Variants in PPARGC1A observed in about 807,000 individuals in gnomAD.
The protein encoded by PPARGC1A is peroxisome proliferator-activated receptor gamma coactivator 1-alpha.
PPARGC1A carries 25 observed loss-of-function variants against 88.7 expected under a neutral mutation model. The observed-to-expected ratio is 0.28, with a 90% confidence interval of 0.21 to 0.39. PPARGC1A has a LOEUF of 0.39. Ranked by LOEUF, PPARGC1A falls within the 10% of genes least tolerant of loss-of-function variation. The pLI, the probability that PPARGC1A is intolerant of heterozygous loss-of-function variation, is 1.00. For missense variants in PPARGC1A, 880 were observed against 968.7 expected, an observed-to-expected ratio of 0.91 and a Z score of 1.22; for synonymous variants, 363 against 355.6, an observed-to-expected ratio of 1.02 and a Z score of -0.24.
At chr4:24,227,384 C>T in the PPARGC1A span, among the ~76,000 whole-genome samples, 153 of 152,312 alleles carry the variant, frequency 1.0e-3, no homozygotes, top group Middle Eastern at 3.4e-3. Context: ...CTTCTCACAA[C>T]ATAGCCTTGG....
upstream of PPARGC1A, among the ~76,000 whole-genome samples, chr4:23,901,538 C>T (rs1285967345): frequency 6.1e-4 from 89 of 145,800 alleles, no homozygotes; most frequent in African/African-American, 2.2e-3. Context: ...AGTAAGACTC[C>T]GTCTCAAAAA....
chr4:23,952,914 T>A, the PPARGC1A span, among the ~76,000 whole-genome samples: 1 of 152,196 alleles, frequency 6.6e-6, no homozygotes, highest in East Asian at 1.9e-4. Flanking sequence ...ATAGATTCTA[T>A]GTCCTGAAGA....
the PPARGC1A span, among the ~76,000 whole-genome samples, chr4:24,373,984 C>T: frequency 6.6e-6 from 1 of 152,156 alleles, no homozygotes; most frequent in Non-Finnish European, 1.5e-5. Flanking sequence ...CAAAACAAAA[C>T]CAAGGAGGCA....
chr4:24,244,676 T>C, the PPARGC1A span, among the ~76,000 whole-genome samples: 1 of 152,198 alleles, frequency 6.6e-6, no homozygotes. Context: ...CATTTGAGAA[T>C]GTCTACAGGC....
chr4:24,194,396 A>G, the PPARGC1A span, among the ~76,000 whole-genome samples: 1 of 152,090 alleles, frequency 6.6e-6, no homozygotes, highest in Non-Finnish European at 1.5e-5. Context: ...TCTATACACC[A>G]ACTCCACTGC....
At chr4:23,948,761 G>A in the PPARGC1A span, among the ~76,000 whole-genome samples, 1 of 152,170 alleles carries the variant, frequency 6.6e-6, no homozygotes, top group African/African-American at 2.4e-5. Context: ...TAAATTATAT[G>A]ATCACTCTGT....
the PPARGC1A span, among the ~76,000 whole-genome samples, chr4:23,948,946 T>C: frequency 6.6e-6 from 1 of 152,158 alleles, no homozygotes; most frequent in East Asian, 1.9e-4. Context: ...CCAGTGCTCT[T>C]TCCCTTAGCA....
the PPARGC1A span, among the ~76,000 whole-genome samples, chr4:24,226,898 G>A: frequency 0.045 from 6,909 of 152,222 alleles, 206 homozygotes; most frequent in African/African-American, 0.081. Flanking sequence ...GCAGGAAACA[G>A]ATGAGCTCGG....
At chr4:23,875,459 T>C (rs770949320) in intron 2 of PPARGC1A, among the ~76,000 whole-genome samples, 32 of 151,994 alleles carry the variant, frequency 2.1e-4, no homozygotes, top group Non-Finnish European at 4.3e-4. Flanking sequence ...CTTTTCCTGT[T>C]GGGCTAAAGT....
At chr4:24,430,685 G>T in the PPARGC1A span, among the ~76,000 whole-genome samples, 2 of 152,000 alleles carry the variant, frequency 1.3e-5, no homozygotes, top group African/African-American at 4.8e-5. Context: ...GACAAAATCA[G>T]GTATATTTAG....
At chr4:24,024,125 G>T in the PPARGC1A span, among the ~76,000 whole-genome samples, 2 of 152,174 alleles carry the variant, frequency 1.3e-5, no homozygotes, top group African/African-American at 4.8e-5. Flanking sequence ...CCTGTGTTCT[G>T]GTGTAACTCA....
At chr4:24,185,908 T>C in the PPARGC1A span, among the ~76,000 whole-genome samples, 2,115 of 149,896 alleles carry the variant, frequency 0.014, 48 homozygotes, top group African/African-American at 0.049. Flanking sequence ...TAGAGTATAA[T>C]AAAGTGGTAA....
At chr4:24,463,891 G>A in the PPARGC1A span, among the ~76,000 whole-genome samples, 1 of 152,196 alleles carries the variant, frequency 6.6e-6, no homozygotes, top group African/African-American at 2.4e-5. Flanking sequence ...CATTTTGACT[G>A]TTTGCTTCTT....
the PPARGC1A span, among the ~76,000 whole-genome samples, chr4:24,010,525 C>T: frequency 6.6e-6 from 1 of 152,026 alleles, no homozygotes; most frequent in Non-Finnish European, 1.5e-5. Context: ...TAAATTTTTG[C>T]CCTCATAGAA....
chr4:24,362,618 C>T, the PPARGC1A span, among the ~76,000 whole-genome samples: 1 of 152,128 alleles, frequency 6.6e-6, no homozygotes, highest in Non-Finnish European at 1.5e-5. Context: ...TTGGCCTTCT[C>T]TCCCCGCTTT....
At chr4:24,247,665 C>T in the PPARGC1A span, among the ~76,000 whole-genome samples, 1 of 152,162 alleles carries the variant, frequency 6.6e-6, no homozygotes, top group South Asian at 2.1e-4. Context: ...GAGGTAGTTG[C>T]CAGGATTGGC....
the PPARGC1A span, among the ~76,000 whole-genome samples, chr4:24,315,210 C>T: frequency 6.6e-6 from 1 of 152,090 alleles, no homozygotes; most frequent in South Asian, 2.1e-4. Context: ...ATGACAGCTT[C>T]CTGCAACCTA....
the PPARGC1A span, among the ~76,000 whole-genome samples, chr4:23,927,432 G>T: frequency 9.2e-5 from 14 of 152,142 alleles, no homozygotes; most frequent in Admixed American, 5.9e-4. Flanking sequence ...ATCAAGAAAA[G>T]GTTTATGGTT....
At chr4:24,230,162 A>C in the PPARGC1A span, among the ~76,000 whole-genome samples, 4 of 152,148 alleles carry the variant, frequency 2.6e-5, no homozygotes, top group African/African-American at 7.2e-5. Context: ...GCTCTTAGCA[A>C]CTCGCTCCAA....
Sources: allele counts gnomAD v4.1 joint callset (sites outside exome capture counted in the v4.1 genomes callset), GRCh38; gene constraint gnomAD v4.1.1; transcripts MANE v1.5; gene names NCBI Gene and HGNC (gene_info 2026-07-23, HGNC 2026-07-21).